PRSS12: variants seen among roughly 807,000 people sequenced by gnomAD.
The protein encoded by PRSS12 is neurotrypsin.
In PRSS12, 85 loss-of-function variants were observed where a neutral mutation model predicts 104.4. The ratio of observed to expected loss-of-function variants is 0.81; its 90% CI spans 0.68 to 0.98. The LOEUF (loss-of-function observed/expected upper bound fraction) is 0.98, where lower values mean the gene tolerates loss of function less well. Among genes scored for constraint, PRSS12 ranks in the 50% least tolerant of loss-of-function variants. The pLI is 0.00. For missense variants in PRSS12, 1,141 were observed against 1,139.2 expected (o/e 1.00, Z -0.02); for synonymous variants, 454 against 425.2 (o/e 1.07, Z -0.83).
At chr4:118,292,815 G>C (rs1160409418) in intron 11 of PRSS12, among the ~76,000 whole-genome samples, 1 of 152,030 alleles carries the variant, frequency 6.6e-6, no homozygotes, top group East Asian at 1.9e-4. Flanking sequence ...AGGAGTACAA[G>C]ACCAGCCTGG....
At chr4:118,334,593 A>AC (rs1724015713) in intron 3 of PRSS12, among the ~76,000 whole-genome samples, 1 of 152,120 alleles carries the variant, frequency 6.6e-6, no homozygotes, top group Non-Finnish European at 1.5e-5. Flanking sequence ...CAGAGTATAC[A>AC]CCTGGACTAT....
Position 118,352,350 on chromosome 4 carries a change from G to A in PRSS12, c.371C>T (p.Pro124Leu), listed in dbSNP as rs1335515298. The change falls in exon 1 of 13, where the codon CCA (proline) becomes CTA (leucine). Residue 124 changes from proline to leucine, a missense_variant. Transcript: ENST00000296498. ...EVPPFLERSP[P>L]ASWAQLRGQR... ...TCCTCGCAGCTGAGCCCAGCTCGCT[G>A]GGGGCGACCGCTCCAGGAAGGGTGG... 2 of 1,572,348 alleles carry A rather than the reference G, an allele frequency of 1.3e-6. No individual in the cohort carries two copies. Among genetic ancestry groups the A allele is most frequent in the East Asian group, 2.3e-5 (1 of 43,580 alleles).
chr4:118,331,660 G>A, intron 4 of PRSS12, 56 bp downstream of exon 4: 1 of 1,607,874 alleles, frequency 6.2e-7, no homozygotes, highest in Non-Finnish European at 8.5e-7. Context: ...CTGCCTTTGG[G>A]TATGGAAATA....
intron 9 of PRSS12, among the ~76,000 whole-genome samples, chr4:118,296,670 A>C (rs2126028545): frequency 6.6e-6 from 1 of 152,182 alleles, no homozygotes; most frequent in South Asian, 2.1e-4. Context: ...GTACAGGAAG[A>C]CCTAATCAAC....
chr4:118,328,514 C>T (rs1171988145), intron 4 of PRSS12, among the ~76,000 whole-genome samples: 3 of 151,984 alleles, frequency 2.0e-5, no homozygotes, highest in African/African-American at 7.3e-5. Flanking sequence ...TCAATATGGC[C>T]TTTGTTTAAA....
At chr4:118,335,736 G>T in intron 2 of PRSS12, 85 bp from the exon 3 acceptor site, 1 of 1,246,922 alleles carries the variant, frequency 8.0e-7, no homozygotes, top group South Asian at 1.2e-5. Context: ...AAAAATGGAA[G>T]AAATCAACAA....
At chr4:118,338,359 A>G (rs1328508462) in intron 1 of PRSS12, 45 bp from the exon 2 acceptor site, 2 of 1,608,058 alleles carry the variant, frequency 1.2e-6, no homozygotes, top group Non-Finnish European at 1.7e-6. Context: ...GTAAATAATC[A>G]TTTGAACATA....
intron 11 of PRSS12, among the ~76,000 whole-genome samples, chr4:118,284,528 C>A (rs536859823): frequency 6.6e-6 from 1 of 152,194 alleles, no homozygotes; most frequent in African/African-American, 2.4e-5. Flanking sequence ...AATGTAAAAC[C>A]TAGACCTTGT....
intron 1 of PRSS12, among the ~76,000 whole-genome samples, chr4:118,347,000 G>A (rs1195900629): frequency 6.6e-6 from 1 of 151,542 alleles, no homozygotes; most frequent in Non-Finnish European, 1.5e-5. Context: ...CACAGACAGT[G>A]ACCACATAAG....
intron 8 of PRSS12, 47 bp from the exon 9 acceptor site, chr4:118,298,985 T>C (rs941896254): frequency 1.3e-6 from 2 of 1,584,308 alleles, no homozygotes; most frequent in Non-Finnish European, 1.7e-6. Flanking sequence ...GTCAGTCATA[T>C]ATCTGAATAA....
chr4:118,340,487 A>T (rs749622083), intron 1 of PRSS12, among the ~76,000 whole-genome samples: 4 of 152,226 alleles, frequency 2.6e-5, no homozygotes, highest in African/African-American at 4.8e-5. Flanking sequence ...AAAAATGTCT[A>T]TTCGGAGGAA....
At chr4:118,338,409 T>C in intron 1 of PRSS12, 95 bp from the exon 2 acceptor site, 2 of 1,459,394 alleles carry the variant, frequency 1.4e-6, no homozygotes, top group Non-Finnish European at 1.9e-6. Flanking sequence ...TAAACTTAAG[T>C]AGTAAGGGAT....
At position 118,352,229 on chromosome 4, in the gene PRSS12, G is replaced by A. The variant is rs559631766; in HGVS notation, c.492C>T (p.Asp164=). The A allele has an allele frequency of 5.0e-6, 8 of 1,612,146 alleles. No individual in the cohort carries two copies. The highest frequency in any genetic ancestry group is 6.8e-6 in the Non-Finnish European group (8 of 1,179,766). Residue 164 remains aspartate, a synonymous_variant, in exon 1 of 13, where the codon GAC becomes GAT. Coordinates refer to ENST00000296498, the MANE Select transcript of PRSS12 (RefSeq NM_003619.4). ...CCCGAGGCCACTAACCGTGTCTGCA[G>A]TCGCAGTAGCCCCAGTCCACCTTGC... ...ARGKVDWGYC[D]CRHGSVRLRG... is the part of the protein sequence containing the mutation.
At chr4:118,314,393 A>G (rs1202273703) in intron 6 of PRSS12, among the ~76,000 whole-genome samples, 1 of 152,152 alleles carries the variant, frequency 6.6e-6, no homozygotes, top group Non-Finnish European at 1.5e-5. Flanking sequence ...TAATCATTCT[A>G]TGGCTTCTCT....
At chr4:118,319,396 G>A (rs1320432226) in intron 4 of PRSS12, among the ~76,000 whole-genome samples, 1 of 152,026 alleles carries the variant, frequency 6.6e-6, no homozygotes, top group Non-Finnish European at 1.5e-5. Context: ...TATTTAGGTG[G>A]AAGTACCATG....
intron 4 of PRSS12, among the ~76,000 whole-genome samples, chr4:118,328,680 G>A (rs55699931): frequency 0.076 from 11,504 of 152,180 alleles, 604 homozygotes; most frequent in Non-Finnish European, 0.11. Context: ...CTGGAGTACC[G>A]TGATGTGATC....
Position 118,316,278 on chromosome 4 carries a change from C to A in PRSS12, c.1196G>T (p.Arg399Leu). ...CTGGCCTCTGTAATATACCTCCAAG[C>A]GACCCTCATGGCTGCCTTTCCCACC... ...LAGGKGSHEG[R>L]LEVYYRGQWG... Residue 399 changes from arginine to leucine, a missense_variant, in exon 6 of 13, where the codon CGC becomes CTC. Physicochemically the swap from Arg to Leu is moderately radical, Grantham distance 102. Coordinates refer to ENST00000296498, the MANE Select transcript of PRSS12 (RefSeq NM_003619.4). The A allele has an allele frequency of 2.5e-6, 4 of 1,614,068 alleles. No homozygotes were observed. Among genetic ancestry groups the A allele is most frequent in the Non-Finnish European group, 3.4e-6 (4 of 1,180,014 alleles).
intron 2 of PRSS12, among the ~76,000 whole-genome samples, 195 bp downstream of exon 2, chr4:118,337,981 T>G (rs1211851484): frequency 6.6e-6 from 1 of 152,194 alleles, no homozygotes; most frequent in Non-Finnish European, 1.5e-5. Flanking sequence ...GATAGTAATA[T>G]GTGAAGTACA....
intron 4 of PRSS12, among the ~76,000 whole-genome samples, chr4:118,330,171 G>A (rs970033523): frequency 2.0e-5 from 3 of 152,104 alleles, no homozygotes; most frequent in Non-Finnish European, 4.4e-5. Flanking sequence ...GTTTCAGGGG[G>A]AAATCTAACT....
Sources: gnomAD v4.1 joint callset for allele counts (sites outside exome capture counted in the v4.1 genomes callset) on GRCh38, gnomAD v4.1.1 for gene constraint, MANE v1.5 for transcripts, NCBI Gene and HGNC (gene_info 2026-07-23, HGNC 2026-07-21) for gene names.